The following PCDH15 variants were observed in gnomAD, a reference collection of about 807,000 sequenced individuals.
The protein encoded by PCDH15 is protocadherin-15.
In PCDH15, 129 loss-of-function variants were observed where a neutral mutation model predicts 178.5. That is an observed-to-expected ratio of 0.72 (90% CI 0.63 to 0.84). PCDH15 has a LOEUF of 0.84. PCDH15 is among the 40% of genes least tolerant of loss of function. The probability of loss-of-function intolerance (pLI) is 0.00; values close to 1 mark genes in which losing one functional copy is unlikely to be tolerated. For synonymous variants in PCDH15, 800 were observed against 732.0 expected, an observed-to-expected ratio of 1.09 and a Z score of -1.50; for missense variants, 2,230 against 2,099.9, an observed-to-expected ratio of 1.06 and a Z score of -1.21.
intron 2 of PCDH15, among the ~76,000 whole-genome samples, chr10:55,098,710 C>T (rs1381931996): frequency 6.6e-6 from 1 of 152,060 alleles, no homozygotes; most frequent in Non-Finnish European, 1.5e-5. Context: ...CTGGTGGAAC[C>T]AATTTGCGGG....
At chr10:55,359,949 T>C (rs903754622) in intron 2 of PCDH15, among the ~76,000 whole-genome samples, 1 of 151,782 alleles carries the variant, frequency 6.6e-6, no homozygotes, top group East Asian at 1.9e-4. Flanking sequence ...CTAATTCATT[T>C]AAGCAGAGAG....
chr10:54,799,367 G>A lies in PCDH15; in HGVS notation c.-29+1558C>T, dbSNP rs917424899. 3.3e-5 allele frequency among the ~76,000 whole-genome samples: 5 copies of A among 152,108 alleles called. No homozygotes were observed. The South Asian group carries it at 8.3e-4, about 25-fold the overall frequency. ...TTATTTTTCACTGGGTTTTTTTAAA[G>A]CATAATTATTAGTGTTTTTTAAAAC... On this transcript the variant is annotated intron_variant, in intron 1 of 37. Coordinates refer to ENST00000644397, the MANE Select transcript of PCDH15 (RefSeq NM_001384140.1).
At chr10:55,025,135 G>A (rs1373523696) in intron 2 of PCDH15, among the ~76,000 whole-genome samples, 1 of 151,682 alleles carries the variant, frequency 6.6e-6, no homozygotes, top group Non-Finnish European at 1.5e-5. Context: ...CCCAATTCTA[G>A]TAGTTCTGTG....
chr10:55,194,967 C>T (rs947980262), intron 1 of PCDH15, among the ~76,000 whole-genome samples: 17 of 151,850 alleles, frequency 1.1e-4, no homozygotes, highest in African/African-American at 2.2e-4. Flanking sequence ...TTCAGTCATT[C>T]GCTCTGCTTT....
intron 27 of PCDH15, among the ~76,000 whole-genome samples, chr10:53,857,684 G>C (rs891975338): frequency 2.0e-5 from 3 of 151,864 alleles, no homozygotes; most frequent in Non-Finnish European, 4.4e-5. Context: ...AGATATGACT[G>C]GTTAGAATAA....
intron 17 of PCDH15, among the ~76,000 whole-genome samples, 168 bp downstream of exon 17, chr10:54,079,163 A>AT (rs1215172573): frequency 6.6e-6 from 1 of 152,226 alleles, no homozygotes; most frequent in Non-Finnish European, 1.5e-5. Context: ...AATTCAGAGT[A>AT]TAGGTGCATG....
intron 2 of PCDH15, among the ~76,000 whole-genome samples, chr10:55,042,171 A>G (rs541374208): frequency 6.6e-6 from 1 of 152,224 alleles, no homozygotes; most frequent in Non-Finnish European, 1.5e-5. Context: ...GGAAATTCAG[A>G]GTGAAGGAAA....
At chr10:54,085,826 A>T (rs1052448219) in intron 16 of PCDH15, among the ~76,000 whole-genome samples, 1 of 152,158 alleles carries the variant, frequency 6.6e-6, no homozygotes, top group South Asian at 2.1e-4. Context: ...AATACAAGAA[A>T]ATTTTGGCAT....
chr10:55,371,143 A>G (rs1431083590), intron 2 of PCDH15, among the ~76,000 whole-genome samples: 1 of 152,116 alleles, frequency 6.6e-6, no homozygotes, highest in Non-Finnish European at 1.5e-5. Flanking sequence ...ACAATTTTTA[A>G]AGATAGGATA....
chr10:54,724,542 A>T (rs982085947), intron 1 of PCDH15, among the ~76,000 whole-genome samples: 8 of 151,536 alleles, frequency 5.3e-5, no homozygotes, highest in Admixed American at 4.6e-4. Context: ...AATTAAAATT[A>T]AAAAAAGAAA....
At chr10:55,047,132 C>A (rs1014959770) in intron 2 of PCDH15, among the ~76,000 whole-genome samples, 3 of 151,714 alleles carry the variant, frequency 2.0e-5, no homozygotes, top group African/African-American at 7.3e-5. Context: ...AAATATTCAT[C>A]AAAAGTGTCA....
intron 2 of PCDH15, among the ~76,000 whole-genome samples, chr10:55,562,842 G>T (rs1842227801): frequency 6.6e-6 from 1 of 151,888 alleles, no homozygotes; most frequent in African/African-American, 2.4e-5. Flanking sequence ...GGAAGATGAT[G>T]GAAAAGCAAG....
At chr10:54,439,616 C>A (rs979679205) in intron 3 of PCDH15, among the ~76,000 whole-genome samples, 4 of 151,836 alleles carry the variant, frequency 2.6e-5, no homozygotes, top group African/African-American at 9.7e-5. Flanking sequence ...TAATGCTGGG[C>A]TTTGAATTTT....
chr10:53,888,702 T>TATATATATATATATATATATATA lies in PCDH15; in HGVS notation c.3501+14540_3501+14541insTATATATATATATATATATATAT, dbSNP rs1554845542. Among the ~76,000 whole-genome samples, 150 of 46,190 alleles carry TATATATATATATATATATATATA rather than the reference T, an allele frequency of 3.2e-3. 45 individuals are homozygous for TATATATATATATATATATATATA. Among genetic ancestry groups the TATATATATATATATATATATATA allele is most frequent in the Non-Finnish European group, 4.7e-3 (105 of 22,328 alleles). 30.3% of individuals were successfully genotyped at this position (46,190 alleles called of 152,430 possible). ...ATATATATATATATATATATATATA[T>TATATATATATATATATATATATA]ATCTCCTGTGGAAATTGATAAGCTG... On this transcript the variant is annotated intron_variant, in intron 26 of 37. Coordinates refer to ENST00000644397, the MANE Select transcript of PCDH15 (RefSeq NM_001384140.1).
chr10:55,375,425 G>A (rs1837370132), intron 2 of PCDH15, among the ~76,000 whole-genome samples: 1 of 151,898 alleles, frequency 6.6e-6, no homozygotes, highest in South Asian at 2.1e-4. Flanking sequence ...TGTAATCGTG[G>A]TTTATTTAAA....
chr10:55,246,689 T>A (rs947763888), intron 1 of PCDH15, among the ~76,000 whole-genome samples: 4 of 152,122 alleles, frequency 2.6e-5, no homozygotes, highest in African/African-American at 9.6e-5. Context: ...GTATCAGGTG[T>A]CTTATTCATA....
At chr10:55,261,963 A>T (rs561028609) in intron 1 of PCDH15, among the ~76,000 whole-genome samples, 1 of 142,336 alleles carries the variant, frequency 7.0e-6, no homozygotes, top group Non-Finnish European at 1.5e-5. Flanking sequence ...TAATTTCTGC[A>T]TGTCATCTCA....
chr10:54,854,027 G>C (rs772226694), intron 3 of PCDH15, among the ~76,000 whole-genome samples: 1 of 152,216 alleles, frequency 6.6e-6, no homozygotes, highest in Non-Finnish European at 1.5e-5. Flanking sequence ...CCAAAGGCGA[G>C]TCAGGCATAG....
Position 54,369,266 on chromosome 10 carries a change from T to C in PCDH15, c.328A>G (p.Asn110Asp). ...ACCTGCACCACAATGGAGTGTATGT[T>C]CATCGGTGGCTGCAATGTAGAAATT... ...GRVLDRDPPM[N>D]IHSIVVQVQC... The change falls in exon 5 of 38, where the codon AAC becomes GAC. Residue 110 changes from asparagine (N) to aspartate (D), a missense_variant. Physicochemically the swap from Asn to Asp is conservative, Grantham distance 23 (BLOSUM62 1). Transcript: ENST00000644397. 6.2e-7 allele frequency: 1 copy of C among 1,612,584 alleles called. No homozygotes were observed. Among genetic ancestry groups the C allele is most frequent in the Non-Finnish European group, 8.5e-7 (1 of 1,179,130 alleles).
Sources: allele counts gnomAD v4.1 joint callset (sites outside exome capture counted in the v4.1 genomes callset), GRCh38; gene constraint gnomAD v4.1.1; transcripts MANE v1.5; gene names NCBI Gene and HGNC (gene_info 2026-07-23, HGNC 2026-07-21).